The following USP39 variants were observed in gnomAD, a reference collection of about 807,000 sequenced individuals.
USP39 encodes ubiquitin carboxyl-terminal hydrolase 39.
In USP39, 38 loss-of-function variants were observed where a neutral mutation model predicts 66.4. The ratio of observed to expected loss-of-function variants is 0.57; its 90% CI spans 0.44 to 0.75. USP39 has a LOEUF of 0.75. Ranked by LOEUF, USP39 falls within the 30% of genes least tolerant of loss-of-function variation. USP39 has a pLI of 0.00. For missense variants in USP39, 608 were observed against 714.4 expected (o/e 0.85, Z 1.70); for synonymous variants, 303 against 274.6 (o/e 1.10, Z -1.02).
At chr2:85,626,633 T>G (rs1674886538) in intron 5 of USP39, among the ~76,000 whole-genome samples, 1 of 152,206 alleles carries the variant, frequency 6.6e-6, no homozygotes, top group Non-Finnish European at 1.5e-5. Context: ...TAGATATTTG[T>G]TGTGCTGGCT....
chr2:85,635,628 A>G (rs1265295868), intron 6 of USP39, among the ~76,000 whole-genome samples: 1 of 152,144 alleles, frequency 6.6e-6, no homozygotes. Context: ...TTTTCATGGA[A>G]TATTGTCAAT....
At chr2:85,638,838 ATTT>A (rs199596765) in intron 8 of USP39, among the ~76,000 whole-genome samples, 1 of 132,298 alleles carries the variant, frequency 7.6e-6, no homozygotes. Flanking sequence ...TGCCCGGCCA[ATTT>A]TTTTTTTTTT....
rs187587274 is a variant in USP39, at chr2:85,629,259, C to T, written c.724-1462C>T. Among the ~76,000 whole-genome samples the T allele has an allele frequency of 7.2e-5, 11 of 151,902 alleles. No individual in the cohort carries two copies. The East Asian group carries it at 2.1e-3, about 30-fold the overall frequency. ...TGTATTTTTAGTAGAGACGGTTTCACCATGTTGGCCTGGCAGGTCTTGGAC... is the reference window on the plus strand; with the variant it reads ...TGTATTTTTAGTAGAGACGGTTTCATCATGTTGGCCTGGCAGGTCTTGGAC... On this transcript the variant is annotated intron_variant, in intron 5 of 12. Coordinates refer to ENST00000323701, the MANE Select transcript of USP39 (RefSeq NM_006590.4).
upstream of USP39, chr2:85,609,033 G>C (rs762514760): frequency 1.2e-6 from 2 of 1,614,168 alleles, no homozygotes. Context: ...CGTGTGTGCC[G>C]ACACCTTCTC....
At chr2:85,629,096 T>C (rs1462940370) in intron 5 of USP39, among the ~76,000 whole-genome samples, 1 of 152,088 alleles carries the variant, frequency 6.6e-6, no homozygotes, top group Non-Finnish European at 1.5e-5. Flanking sequence ...GGAATTTTGC[T>C]CTTTTTGCCT....
intron 10 of USP39, among the ~76,000 whole-genome samples, chr2:85,644,645 A>C (rs1573451147): frequency 6.8e-6 from 1 of 146,696 alleles, no homozygotes; most frequent in African/African-American, 2.5e-5. Flanking sequence ...CTGGCCTTGA[A>C]CTCCTGGGCT....
chr2:85,609,076 A>C (rs1673336168), upstream of USP39: 6 of 1,613,890 alleles, frequency 3.7e-6, no homozygotes, highest in Non-Finnish European at 5.1e-6. Flanking sequence ...CCCTACGTGG[A>C]GGAAGAGTCA....
rs200244374 is a variant in USP39, at chr2:85,616,237, C to G, written c.42C>G (p.Arg14=). 3.0e-4 allele frequency: 449 copies of G among 1,489,202 alleles called. 3 individuals are homozygous for G. In the African/African-American group the frequency reaches 6.0e-3, roughly 20 times the overall value. The allele number at this position is 1,489,202 out of a possible 1,614,324, so 92.2% of individuals were successfully genotyped here. The part of the protein sequence containing the change: ...RSKRESRGST[R]GKRESESRGS... ...AGCGGGAGTCTCGCGGTTCCACTCG[C>G]GGGAAGCGAGAGTCTGAGTCGCGGG... The change falls in exon 1 of 13, where the codon CGC becomes CGG. Residue 14 remains arginine, a synonymous_variant. Transcript: ENST00000323701.
chr2:85,618,479 T>A (rs1466150874), intron 1 of USP39, among the ~76,000 whole-genome samples: 1 of 151,472 alleles, frequency 6.6e-6, no homozygotes, highest in Non-Finnish European at 1.5e-5. Context: ...GGAGAATTGC[T>A]TGAATCCGGG....
chr2:85,609,021 G>T, upstream of USP39: 1 of 1,614,252 alleles, frequency 6.2e-7, no homozygotes, highest in Non-Finnish European at 8.5e-7. Flanking sequence ...TGGATCCAGA[G>T]GCGTGTGTGC....
intron 5 of USP39, among the ~76,000 whole-genome samples, chr2:85,629,330 G>A (rs573514056): frequency 6.6e-5 from 10 of 151,964 alleles, no homozygotes; most frequent in Admixed American, 5.9e-4. Context: ...CAAAGTGCTG[G>A]GATTATAGAC....
At chr2:85,622,164 A>C (rs1268792907) in intron 3 of USP39, among the ~76,000 whole-genome samples, 4 of 146,688 alleles carry the variant, frequency 2.7e-5, no homozygotes, top group Non-Finnish European at 4.5e-5. Context: ...TCTGTCACCC[A>C]GGCTGCAGTG....
In USP39 at chr2:85,640,622, T is replaced by A. The variant is rs999527335; in HGVS notation, c.1285-354T>A. Among the ~76,000 whole-genome samples, 199 of 122,840 alleles carry A rather than the reference T, an allele frequency of 1.6e-3. 1 individual carries two copies. Among genetic ancestry groups the A allele is most frequent in the African/African-American group, 4.9e-3 (161 of 32,830 alleles). The allele number at this position is 122,840 out of a possible 152,430, so 80.6% of individuals were successfully genotyped here. Reference sequence around the variant, plus strand: ...TTCTTTACATATATATATATATATTTTTTTTTTCTTTTTTTTTCTTTTTCC... The same window carrying A: ...TTCTTTACATATATATATATATATTATTTTTTTCTTTTTTTTTCTTTTTCC... On this transcript the variant is annotated intron_variant, in intron 9 of 12. Coordinates refer to ENST00000323701, the MANE Select transcript of USP39 (RefSeq NM_006590.4).
chr2:85,641,183 T>C lies in USP39; in HGVS notation c.1427+65T>C. The C allele has an allele frequency of 4.4e-6, 7 of 1,593,618 alleles. No individual in the cohort carries two copies. The Admixed American group carries it at 5.3e-5, about 12-fold the overall frequency. ...ACCTGGATTTCTTCTCTTGTATTTT[T>C]ACCAGTATTAATTTTGGACTGTCTT... is the stretch of plus-strand genomic sequence containing the variant. On this transcript the variant is annotated intron_variant, in intron 10 of 12. Transcript: ENST00000323701.
chr2:85,637,974 G>A (rs1371530081), intron 8 of USP39, among the ~76,000 whole-genome samples: 1 of 152,052 alleles, frequency 6.6e-6, no homozygotes, highest in African/African-American at 2.4e-5. Context: ...TGGGATTACA[G>A]GCGTGAGTCA....
intron 1 of USP39, among the ~76,000 whole-genome samples, chr2:85,605,161 G>A (rs1443727597): frequency 6.6e-6 from 1 of 152,016 alleles, no homozygotes; most frequent in African/African-American, 2.4e-5. Context: ...GAGATTTCCA[G>A]TGCTGACTCG....
intron 1 of USP39, 40 bp downstream of exon 1, chr2:85,616,503 T>A: frequency 7.1e-7 from 1 of 1,411,366 alleles, no homozygotes; most frequent in Non-Finnish European, 9.3e-7. Context: ...AGAGCCTGTT[T>A]TTTTCGCGTC....
chr2:85,616,380 C>T lies in USP39; in HGVS notation c.185C>T (p.Ala62Val), dbSNP rs745785307. The change falls in exon 1 of 13, where the codon GCC becomes GTC. Residue 62 changes from alanine to valine, a missense_variant. Coordinates refer to ENST00000323701, the MANE Select transcript of USP39 (RefSeq NM_006590.4). ...REFEPASARE[A>V]PASVVPFVRV... ...TTCGAGCCGGCGAGCGCGCGCGAGG[C>T]CCCGGCTTCTGTTGTCCCGTTTGTG... The T allele has an allele frequency of 5.6e-6, 9 of 1,601,916 alleles. No individual in the cohort carries two copies. The South Asian group carries it at 7.8e-5, about 14-fold the overall frequency.
rs567203708 is a variant in USP39, at chr2:85,616,240, G to A, written c.45G>A (p.Gly15=). 44 of 1,493,738 alleles carry A rather than the reference G, an allele frequency of 2.9e-5. No individual in the cohort carries two copies. The African/African-American group carries it at 5.2e-4, about 18-fold the overall frequency. The allele number at this position is 1,493,738 out of a possible 1,614,324, so 92.5% of individuals were successfully genotyped here. Residue 15 remains glycine, a synonymous_variant, in exon 1 of 13, where the codon GGG becomes GGA. Coordinates refer to ENST00000323701, the MANE Select transcript of USP39 (RefSeq NM_006590.4). ...SKRESRGSTR[G]KRESESRGSS... is the part of the protein sequence containing the mutation. ...GGGAGTCTCGCGGTTCCACTCGCGG[G>A]AAGCGAGAGTCTGAGTCGCGGGGCA...
Sources: allele counts gnomAD v4.1 joint callset (sites outside exome capture counted in the v4.1 genomes callset), GRCh38; gene constraint gnomAD v4.1.1; transcripts MANE v1.5; gene names NCBI Gene and HGNC (gene_info 2026-07-23, HGNC 2026-07-21).